Variants in SLIT3 observed in about 807,000 individuals in gnomAD.
SLIT3 encodes the protein slit homolog 3 protein.
Under a neutral mutation model 184.0 loss-of-function variants are expected in SLIT3, and 68 were observed. The ratio of observed to expected loss-of-function variants is 0.37; its 90% CI spans 0.30 to 0.45. The LOEUF is 0.45. Among genes scored for constraint, SLIT3 ranks in the 20% least tolerant of loss-of-function variants. SLIT3 has a pLI of 1.00. For missense variants in SLIT3, 1,707 were observed against 2,026.0 expected (o/e 0.84, Z 3.02); for synonymous variants, 831 against 828.6 (o/e 1.00, Z -0.05).
chr5:168,745,002 G>T (rs999833090), intron 20 of SLIT3, among the ~76,000 whole-genome samples: 1 of 152,198 alleles, frequency 6.6e-6, no homozygotes, highest in Non-Finnish European at 1.5e-5. Flanking sequence ...AAACTGAAAA[G>T]CTTTTGGAAA....
intron 4 of SLIT3, among the ~76,000 whole-genome samples, chr5:169,118,290 TA>T (rs1425173154): frequency 6.6e-6 from 1 of 152,226 alleles, no homozygotes; most frequent in African/African-American, 2.4e-5. Flanking sequence ...AGATATGTTG[TA>T]TGTTGCATTC....
At chr5:169,010,388 G>C (rs1403826732) in intron 4 of SLIT3, among the ~76,000 whole-genome samples, 1 of 152,138 alleles carries the variant, frequency 6.6e-6, no homozygotes, top group Non-Finnish European at 1.5e-5. Context: ...AAGCGATTTT[G>C]ACCATGGTTT....
At chr5:169,177,055 T>G (rs1268912042) in intron 4 of SLIT3, among the ~76,000 whole-genome samples, 1 of 152,212 alleles carries the variant, frequency 6.6e-6, no homozygotes, top group African/African-American at 2.4e-5. Flanking sequence ...CAGCAGCCAT[T>G]AGGTAAATGA....
intron 4 of SLIT3, among the ~76,000 whole-genome samples, chr5:168,926,712 ACGAAGAAGACTTGGATAGAC>A (rs1562010079): frequency 3.1e-5 from 2 of 63,732 alleles, no homozygotes; most frequent in African/African-American, 2.2e-4. Context: ...AGACTTTTCT[ACGAAGAAGACTTGGATAGAC>A]TTTTCTACGA....
intron 9 of SLIT3, among the ~76,000 whole-genome samples, chr5:168,796,489 C>T (rs1756569417): frequency 6.6e-6 from 1 of 152,166 alleles, no homozygotes; most frequent in African/African-American, 2.4e-5. Context: ...CATCCTCATC[C>T]ATCTCCCTTC....
At chr5:168,932,054 A>G (rs1762001302) in intron 4 of SLIT3, among the ~76,000 whole-genome samples, 1 of 152,078 alleles carries the variant, frequency 6.6e-6, no homozygotes, top group South Asian at 2.1e-4. Context: ...GTGGTGTCAA[A>G]CATGGTTGGA....
At chr5:168,862,041 C>T (rs1240752665) in intron 5 of SLIT3, among the ~76,000 whole-genome samples, 1 of 152,146 alleles carries the variant, frequency 6.6e-6, no homozygotes. Context: ...AAAACAAGAC[C>T]ATTTCTGAAG....
intron 4 of SLIT3, among the ~76,000 whole-genome samples, chr5:169,097,619 G>GAA (rs34054933): frequency 0.22 from 34,088 of 152,090 alleles, 4,151 homozygotes; most frequent in Admixed American, 0.36. Flanking sequence ...TTTATTCTAC[G>GAA]AAGAGTAGTT....
At chr5:168,985,400 G>A (rs979530381) in intron 4 of SLIT3, among the ~76,000 whole-genome samples, 2 of 152,200 alleles carry the variant, frequency 1.3e-5, no homozygotes, top group African/African-American at 4.8e-5. Context: ...GAGCAAACCA[G>A]ATGCAAAGGC....
intron 5 of SLIT3, among the ~76,000 whole-genome samples, chr5:168,878,777 C>T (rs957730535): frequency 1.4e-5 from 2 of 147,390 alleles, no homozygotes; most frequent in East Asian, 2.0e-4. Flanking sequence ...TGCAATGGTG[C>T]GATCTTGGCT....
At chr5:169,040,285 C>T (rs967409098) in intron 4 of SLIT3, among the ~76,000 whole-genome samples, 148 of 151,856 alleles carry the variant, frequency 9.7e-4, no homozygotes, top group African/African-American at 3.5e-3. Context: ...AGCATTTTTT[C>T]CTTTGAGATG....
intron 29 of SLIT3, among the ~76,000 whole-genome samples, 194 bp from the exon 30 acceptor site, chr5:168,687,310 G>A (rs994460894): frequency 9.2e-5 from 14 of 152,232 alleles, no homozygotes; most frequent in African/African-American, 2.2e-4. Context: ...ATGGTGGGGC[G>A]AGTCTTGTGT....
At chr5:168,723,041 T>C in intron 21 of SLIT3, 37 bp from the exon 22 acceptor site, 1 of 1,525,394 alleles carries the variant, frequency 6.6e-7, no homozygotes, top group Admixed American at 1.7e-5. Flanking sequence ...TGCTTTTGTC[T>C]TAGTTGCATC....
chr5:168,726,222 A>T (rs1763103063), intron 20 of SLIT3, among the ~76,000 whole-genome samples: 1 of 151,788 alleles, frequency 6.6e-6, no homozygotes, highest in Non-Finnish European at 1.5e-5. Flanking sequence ...TCATTCATGC[A>T]TGCATTCATT....
intron 33 of SLIT3, 58 bp downstream of exon 33, chr5:168,673,119 T>G (rs1187184175): frequency 3.8e-6 from 6 of 1,564,360 alleles, no homozygotes; most frequent in Non-Finnish European, 5.3e-6. Context: ...CCTGGGTTTC[T>G]GTACTGGAGC....
chr5:168,702,173 T>C lies in SLIT3; in HGVS notation c.2845-1494A>G, dbSNP rs563761472. On this transcript the variant is annotated intron_variant, in intron 26 of 35. Transcript: ENST00000519560. ...CAGGGCCCCTTTCTGAAAGTTGGTG[T>C]GGAATGGAAACTGTAATACTAATTC... Among the ~76,000 whole-genome samples the C allele has an allele frequency of 3.3e-5, 5 of 152,316 alleles. No individual in the cohort carries two copies. In the South Asian group the frequency reaches 1.0e-3, roughly 32 times the overall value.
chr5:169,261,777 G>A (rs1766195066), intron 1 of SLIT3, among the ~76,000 whole-genome samples: 1 of 152,120 alleles, frequency 6.6e-6, no homozygotes, highest in Non-Finnish European at 1.5e-5. Context: ...CTAGAGACCT[G>A]CTTCTAACCC....
intron 4 of SLIT3, among the ~76,000 whole-genome samples, chr5:169,090,306 C>T (rs899553742): frequency 6.6e-6 from 1 of 152,136 alleles, no homozygotes; most frequent in African/African-American, 2.4e-5. Context: ...TCTGCTTCTC[C>T]CTCCCAGTGC....
intron 4 of SLIT3, among the ~76,000 whole-genome samples, chr5:169,066,241 G>T (rs1758345401): frequency 6.6e-6 from 1 of 152,164 alleles, no homozygotes; most frequent in African/African-American, 2.4e-5. Flanking sequence ...CCCAAGCCCA[G>T]GGTCAATCCT....
Sources: gnomAD v4.1 joint callset for allele counts (sites outside exome capture counted in the v4.1 genomes callset) on GRCh38, gnomAD v4.1.1 for gene constraint, MANE v1.5 for transcripts, NCBI Gene and HGNC (gene_info 2026-07-23, HGNC 2026-07-21) for gene names.